The following SLC43A2 variants were observed in gnomAD, a reference collection of about 807,000 sequenced individuals.
SLC43A2 encodes the protein large neutral amino acids transporter small subunit 4.
A neutral mutation model predicts 63.2 loss-of-function variants in SLC43A2; 38 were observed. The observed-to-expected ratio is 0.60, with a 90% CI of 0.46 to 0.79. The LOEUF (loss-of-function observed/expected upper bound fraction) is 0.79, where lower values mean the gene tolerates loss of function less well. Among genes scored for constraint, SLC43A2 ranks in the 30% least tolerant of loss-of-function variants. The pLI is 0.00. For synonymous variants in SLC43A2, 322 were observed against 331.0 expected (o/e 0.97, Z 0.30); for missense variants, 644 against 756.2 (o/e 0.85, Z 1.74).
In SLC43A2 at chr17:1,606,148, G is replaced by A. The variant is rs1402932719; in HGVS notation, c.501+7047C>T. Among the ~76,000 whole-genome samples the A allele has an allele frequency of 6.6e-6, 1 of 151,548 alleles. No homozygotes were observed. The highest frequency in any genetic ancestry group is 1.5e-5 in the Non-Finnish European group (1 of 67,996). The stretch of plus-strand genomic sequence containing the variant: ...GCACCTAGACCCTCCAGAGCTGGCC[G>A]GGGGCCACCGCGGGACCCTCTCCTG... On this transcript the variant is annotated intron_variant, in intron 5 of 13. Coordinates refer to ENST00000301335, the MANE Select transcript of SLC43A2 (RefSeq NM_152346.3). The surrounding 1 kb of genome is among the most constrained non-coding windows in gnomAD (Gnocchi z 4.7).
At position 1,572,700 on chromosome 17, in the gene SLC43A2, A is replaced by G. The variant is rs1305462304; in HGVS notation, c.*2904T>C. 2.0e-5 allele frequency: 3 copies of G among 152,454 alleles called. No individual in the cohort carries two copies. Among genetic ancestry groups the G allele is most frequent in the Non-Finnish European group, 2.9e-5 (2 of 68,228 alleles). The allele number at this position is 152,454 out of a possible 1,614,324, so 9.4% of individuals were successfully genotyped here. A position where few individuals can be genotyped will look rare whatever the true frequency, so the allele number is the denominator to read the frequency against. Reference sequence around the variant, plus strand: ...ACCCTGCTCGCATTTTCAGGCCTCAATCCCCAAGCACTGTTGGCCCTGGAC... The same window carrying G: ...ACCCTGCTCGCATTTTCAGGCCTCAGTCCCCAAGCACTGTTGGCCCTGGAC... On this transcript the variant is annotated 3_prime_UTR_variant, in exon 14 of 14. Coordinates refer to ENST00000301335, the MANE Select transcript of SLC43A2 (RefSeq NM_152346.3).
rs1233114819 is a variant in SLC43A2, at chr17:1,586,039, G to A, written c.1091C>T (p.Thr364Ile). 6.3e-7 allele frequency: 1 copy of A among 1,598,778 alleles called. No homozygotes were observed. The highest frequency in any genetic ancestry group is 8.5e-7 in the Non-Finnish European group (1 of 1,172,980). Residue 364 changes from threonine to isoleucine, a missense_variant, in exon 10 of 14, where the codon ACC (threonine) becomes ATC (isoleucine). By Grantham distance (89) the Thr-to-Ile change is moderately conservative (BLOSUM62 -1). Coordinates refer to ENST00000301335, the MANE Select transcript of SLC43A2 (RefSeq NM_152346.3). ...SGDQKTVGLYTSIFGVLQLLC... is the reference protein window; with the variant it reads ...SGDQKTVGLYISIFGVLQLLC... ...CAGCTGGAGCACGCCGAAGATGGAG[G>A]TGTAGAGGCCAACTGTGGAGGAAGG...
intron 3 of SLC43A2, among the ~76,000 whole-genome samples, chr17:1,615,563 G>A (rs1209450201): frequency 6.6e-6 from 1 of 151,130 alleles, no homozygotes; most frequent in Non-Finnish European, 1.5e-5. Flanking sequence ...TGGCATAGGG[G>A]CCAGGCACGA....
intron 9 of SLC43A2, among the ~76,000 whole-genome samples, 177 bp downstream of exon 9, chr17:1,590,625 C>T (rs891737323): frequency 3.3e-5 from 5 of 152,198 alleles, no homozygotes; most frequent in African/African-American, 1.2e-4. Flanking sequence ...GATGGGGACA[C>T]GAAGAAACAG....
chr17:1,604,952 G>A, intron 5 of SLC43A2: 3 of 1,499,632 alleles, frequency 2.0e-6, no homozygotes, highest in Non-Finnish European at 2.7e-6. Context: ...AGTGAGGGCT[G>A]AGCGCTGAGC....
At chr17:1,604,557 G>A in intron 5 of SLC43A2, 3 of 669,612 alleles carry the variant, frequency 4.5e-6, no homozygotes, top group Non-Finnish European at 7.5e-6. Context: ...GCTGAACTTA[G>A]TGTAGACATC....
At chr17:1,622,975 A>G (rs1908306683) in intron 2 of SLC43A2, among the ~76,000 whole-genome samples, 1 of 150,722 alleles carries the variant, frequency 6.6e-6, no homozygotes, top group Admixed American at 6.6e-5. Context: ...GTATGGTGGC[A>G]GGCGCCTGTA....
At chr17:1,602,657 A>G (rs1017880292) in intron 5 of SLC43A2, among the ~76,000 whole-genome samples, 2 of 152,030 alleles carry the variant, frequency 1.3e-5, no homozygotes, top group African/African-American at 4.8e-5. Flanking sequence ...AAAAATTAAT[A>G]AAAATAAAAT....
chr17:1,591,734 A>AGGGGGGGGGGGGGGGGGGGGGGGGGT, intron 6 of SLC43A2, 35 bp from the exon 7 acceptor site: 1 of 293,096 alleles, frequency 3.4e-6, no homozygotes, highest in Non-Finnish European at 6.8e-6. Flanking sequence ...TGGGGGGGGG[A>AGGGGGGGGGGGGGGGGGGGGGGGGGT]GGGGGCAGAG....
chr17:1,614,769 T>C (rs1907438352), intron 4 of SLC43A2, among the ~76,000 whole-genome samples: 1 of 152,134 alleles, frequency 6.6e-6, no homozygotes, highest in South Asian at 2.1e-4. Flanking sequence ...AAGTTGCTCA[T>C]ACCCTGGAAG....
At chr17:1,613,499 C>T (rs900750815) in intron 4 of SLC43A2, among the ~76,000 whole-genome samples, 44 of 152,200 alleles carry the variant, frequency 2.9e-4, no homozygotes, top group African/African-American at 1.0e-3. Flanking sequence ...GTCACCCAGG[C>T]TGGAGTGCAA....
chr17:1,590,483 G>A (rs1904641377), intron 9 of SLC43A2, among the ~76,000 whole-genome samples: 1 of 152,156 alleles, frequency 6.6e-6, no homozygotes, highest in South Asian at 2.1e-4. Flanking sequence ...CTCAGGTGGA[G>A]CGTTCTGTTC....
intron 11 of SLC43A2, among the ~76,000 whole-genome samples, chr17:1,581,510 G>A (rs761078989): frequency 1.3e-5 from 2 of 152,134 alleles, no homozygotes; most frequent in Admixed American, 6.5e-5. Context: ...CCCACGGTGG[G>A]GCACACCTGG....
At chr17:1,599,872 G>A (rs1249939328) in intron 5 of SLC43A2, among the ~76,000 whole-genome samples, 12 of 148,876 alleles carry the variant, frequency 8.1e-5, no homozygotes, top group East Asian at 2.0e-4. Context: ...GTGAAACCCC[G>A]TCTCTACTAA....
At chr17:1,616,043 GAAAAAAA>G (rs77735350) in intron 3 of SLC43A2, among the ~76,000 whole-genome samples, 1 of 70,114 alleles carries the variant, frequency 1.4e-5, no homozygotes, top group Non-Finnish European at 2.9e-5. Context: ...ACTCCGTCTT[GAAAAAAA>G]AAAAAAAAAA....
In SLC43A2 at chr17:1,606,990, G is replaced by C. The variant is rs901016296; in HGVS notation, c.501+6205C>G. ...TGGCCATCTCCTTCTGGACTACAAG[G>C]AAAAGGCGTGTGCCCGCTTGGAGCC... On this transcript the variant is annotated intron_variant, in intron 5 of 13. Transcript: ENST00000301335. The surrounding 1 kb of genome is among the most constrained non-coding windows in gnomAD (Gnocchi z 4.7). Among the ~76,000 whole-genome samples, 3 of 152,216 alleles carry C rather than the reference G, an allele frequency of 2.0e-5. No homozygotes were observed. Among genetic ancestry groups the C allele is most frequent in the African/African-American group, 7.2e-5 (3 of 41,460 alleles).
chr17:1,626,718 T>G (rs1908698161), intron 2 of SLC43A2, among the ~76,000 whole-genome samples: 1 of 152,168 alleles, frequency 6.6e-6, no homozygotes, highest in Admixed American at 6.5e-5. Context: ...CTGCTGGGGA[T>G]TCAGGAAGTC....
At chr17:1,602,285 G>A (rs1906127295) in intron 5 of SLC43A2, among the ~76,000 whole-genome samples, 1 of 152,106 alleles carries the variant, frequency 6.6e-6, no homozygotes, top group Admixed American at 6.6e-5. Context: ...ATGATTACAG[G>A]CATGAGCCAC....
chr17:1,603,088 GTATTAACAATAGTTAC>G (rs1234027720), intron 5 of SLC43A2: 2 of 152,096 alleles, frequency 1.3e-5, no homozygotes, highest in East Asian at 3.9e-4. Context: ...AATAGGGTAG[GTATTAACAATAGTTAC>G]TATTATGATA....
Sources: gnomAD v4.1 joint callset for allele counts (sites outside exome capture counted in the v4.1 genomes callset) on GRCh38, gnomAD v4.1.1 for gene constraint, Gnocchi (gnomAD v3.1) non-coding constraint, MANE v1.5 for transcripts, NCBI Gene and HGNC (gene_info 2026-07-23, HGNC 2026-07-21) for gene names.